SH2D4B: variants seen among roughly 807,000 people sequenced by gnomAD.
SH2D4B encodes SH2 domain containing 4B.
Under a neutral mutation model 61.5 loss-of-function variants are expected in SH2D4B, and 45 were observed. The observed-to-expected ratio is 0.73, with a 90% CI of 0.58 to 0.94. The LOEUF is 0.94. Among genes scored for constraint, SH2D4B ranks in the 40% least tolerant of loss-of-function variants. SH2D4B has a pLI of 0.00. For synonymous variants in SH2D4B, 224 were observed against 220.4 expected, an observed-to-expected ratio of 1.02 and a Z score of -0.14; for missense variants, 572 against 574.2, an observed-to-expected ratio of 1.00 and a Z score of 0.04.
intron 6 of SH2D4B, 151 bp from the exon 7 acceptor site, chr10:80,634,134 C>A: frequency 1.8e-6 from 2 of 1,097,736 alleles, no homozygotes; most frequent in Non-Finnish European, 2.4e-6. Flanking sequence ...GCTTGGCCAG[C>A]CCTTGGGGCT....
At chr10:80,632,413 A>G (rs1446716243) in intron 6 of SH2D4B, among the ~76,000 whole-genome samples, 1 of 152,228 alleles carries the variant, frequency 6.6e-6, no homozygotes, top group African/African-American at 2.4e-5. Context: ...TCAATGAAAA[A>G]GTAATAAACG....
chr10:80,627,107 G>A (rs1250386057), intron 6 of SH2D4B, among the ~76,000 whole-genome samples: 1 of 152,136 alleles, frequency 6.6e-6, no homozygotes, highest in Non-Finnish European at 1.5e-5. Context: ...TTTAACCTCT[G>A]TGCGTCAAAA....
At chr10:80,589,000 CTT>C in intron 4 of SH2D4B, among the ~76,000 whole-genome samples, 1 of 147,164 alleles carries the variant, frequency 6.8e-6, no homozygotes, top group Non-Finnish European at 1.5e-5. Flanking sequence ...TTTTCTTTTT[CTT>C]TTTTTTTTTG....
chr10:80,633,080 C>T (rs977285853), intron 6 of SH2D4B, among the ~76,000 whole-genome samples: 1 of 151,790 alleles, frequency 6.6e-6, no homozygotes, highest in Non-Finnish European at 1.5e-5. Flanking sequence ...CTCGAGTGTG[C>T]CCTGGGAGGC....
intron 1 of SH2D4B, among the ~76,000 whole-genome samples, chr10:80,551,853 A>G (rs1841765637): frequency 6.6e-6 from 1 of 152,202 alleles, no homozygotes; most frequent in Non-Finnish European, 1.5e-5. Context: ...ATTATCACAC[A>G]CTGAGTAGTT....
intron 6 of SH2D4B, among the ~76,000 whole-genome samples, chr10:80,633,335 C>T (rs1842854942): frequency 2.0e-5 from 3 of 152,210 alleles, no homozygotes; most frequent in Non-Finnish European, 4.4e-5. Flanking sequence ...ATCTCCACAG[C>T]TATTCTCTAT....
chr10:80,564,992 A>C (rs917270790), intron 1 of SH2D4B, among the ~76,000 whole-genome samples: 2 of 152,232 alleles, frequency 1.3e-5, no homozygotes, highest in African/African-American at 4.8e-5. Context: ...AGACAAAAAA[A>C]GGGACATTGG....
At chr10:80,560,191 G>T (rs1339216325) in intron 1 of SH2D4B, among the ~76,000 whole-genome samples, 6 of 151,694 alleles carry the variant, frequency 4.0e-5, no homozygotes, top group Non-Finnish European at 8.8e-5. Context: ...GTTTCACCAT[G>T]TTAGCCAGGA....
At chr10:80,604,791 G>GTT (rs34202612) in intron 5 of SH2D4B, among the ~76,000 whole-genome samples, 1,905 of 148,118 alleles carry the variant, frequency 0.013, 16 homozygotes, top group African/African-American at 0.029. Context: ...ACTGTTCTTA[G>GTT]TTTTTTTTTT....
At chr10:80,600,940 C>T (rs894644455) in intron 4 of SH2D4B, among the ~76,000 whole-genome samples, 19 of 152,284 alleles carry the variant, frequency 1.2e-4, no homozygotes, top group African/African-American at 4.1e-4. Context: ...AAGCCCATCC[C>T]GGGGCATCCT....
At chr10:80,617,898 TC>T (rs1842677872) in intron 6 of SH2D4B, among the ~76,000 whole-genome samples, 1 of 152,216 alleles carries the variant, frequency 6.6e-6, no homozygotes, top group Non-Finnish European at 1.5e-5. Flanking sequence ...CCAGTATTAG[TC>T]CCAATAGTCT....
intron 3 of SH2D4B, among the ~76,000 whole-genome samples, chr10:80,587,967 G>C (rs1373684106): frequency 1.3e-5 from 2 of 152,110 alleles, no homozygotes; most frequent in Admixed American, 6.6e-5. Context: ...CATTCCACCT[G>C]TTTCAACCCA....
At chr10:80,612,798 A>G (rs1210421549) in intron 6 of SH2D4B, among the ~76,000 whole-genome samples, 1 of 152,170 alleles carries the variant, frequency 6.6e-6, no homozygotes, top group Non-Finnish European at 1.5e-5. Flanking sequence ...TACTCGAATG[A>G]TTTCCTTCCC....
At chr10:80,614,368 C>T (rs945202837) in intron 6 of SH2D4B, among the ~76,000 whole-genome samples, 6 of 152,088 alleles carry the variant, frequency 3.9e-5, no homozygotes, top group African/African-American at 1.4e-4. Flanking sequence ...ACACACTTAA[C>T]CAGATCTCAT....
intron 6 of SH2D4B, among the ~76,000 whole-genome samples, chr10:80,629,499 C>A (rs1000901314): frequency 6.6e-6 from 1 of 152,134 alleles, no homozygotes; most frequent in African/African-American, 2.4e-5. Flanking sequence ...CCAGAAATGG[C>A]CCAGCTAAGT....
chr10:80,552,254 A>T (rs1354247427), intron 1 of SH2D4B, among the ~76,000 whole-genome samples: 1 of 152,130 alleles, frequency 6.6e-6, no homozygotes, highest in East Asian at 1.9e-4. Flanking sequence ...ACCAGCAGGG[A>T]GCCTGAGTTT....
chr10:80,605,527 T>G (rs1842508821), intron 5 of SH2D4B, among the ~76,000 whole-genome samples: 1 of 152,204 alleles, frequency 6.6e-6, no homozygotes, highest in South Asian at 2.1e-4. Flanking sequence ...TCTTCTTTTT[T>G]GTTTTGAGAC....
intron 6 of SH2D4B, among the ~76,000 whole-genome samples, chr10:80,626,611 C>G (rs1335821769): frequency 1.3e-5 from 2 of 152,158 alleles, no homozygotes; most frequent in Admixed American, 1.3e-4. Flanking sequence ...TATAAATGCC[C>G]CATGGGTGTG....
intron 3 of SH2D4B, among the ~76,000 whole-genome samples, chr10:80,585,523 C>T (rs7091134): frequency 0.27 from 40,810 of 151,994 alleles, 6,420 homozygotes; most frequent in African/African-American, 0.43. Context: ...ACCATGTTGG[C>T]CAGCTGGTCT....
Sources: allele counts gnomAD v4.1 joint callset (sites outside exome capture counted in the v4.1 genomes callset), GRCh38; gene constraint gnomAD v4.1.1; transcripts MANE v1.5; gene names NCBI Gene and HGNC (gene_info 2026-07-23, HGNC 2026-07-21).